Variants in DIP2B observed in about 807,000 individuals in gnomAD.
DIP2B encodes the protein DIP2 acetate--CoA ligase B (putative), also known as disco-interacting protein 2 homolog B.
DIP2B carries 76 observed loss-of-function variants against 198.0 expected under a neutral mutation model. The observed-to-expected ratio is 0.38, with a 90% CI of 0.32 to 0.46. The LOEUF is 0.46. Ranked by LOEUF, DIP2B falls within the 20% of genes least tolerant of loss-of-function variation. DIP2B has a pLI of 0.99. For synonymous variants in DIP2B, 701 were observed against 739.1 expected (o/e 0.95, Z 0.84); for missense variants, 1,559 against 1,978.4 (o/e 0.79, Z 4.02).
chr12:50,725,026 A>G (rs956479554), intron 28 of DIP2B, 140 bp downstream of exon 28: 30 of 783,054 alleles, frequency 3.8e-5, no homozygotes, highest in Non-Finnish European at 5.8e-5. Flanking sequence ...TAGGATCAGT[A>G]AGCTTGTGCA....
intron 1 of DIP2B, among the ~76,000 whole-genome samples, chr12:50,605,314 G>T (rs1958971987): frequency 6.6e-6 from 1 of 152,154 alleles, no homozygotes; most frequent in African/African-American, 2.4e-5. Context: ...AGGTAAGGTG[G>T]CTCATGCCTG....
At chr12:50,563,486 C>CTT (rs71083598) in intron 1 of DIP2B, among the ~76,000 whole-genome samples, 2,322 of 115,462 alleles carry the variant, frequency 0.02, 46 homozygotes, top group East Asian at 0.056. Flanking sequence ...TGCACCTGGC[C>CTT]TTTTTTTTTT....
chr12:50,624,062 G>A (rs1474082097), intron 1 of DIP2B, among the ~76,000 whole-genome samples: 3 of 152,138 alleles, frequency 2.0e-5, no homozygotes, highest in Admixed American at 1.3e-4. Flanking sequence ...TTTTGTGCAC[G>A]TGTGTGAATG....
Position 50,718,792 on chromosome 12 carries a change from A to C in DIP2B, c.2935A>C (p.Ile979Leu). The change falls in exon 24 of 38, where the codon ATA (isoleucine) becomes CTA (leucine). Residue 979 changes from isoleucine (I) to leucine (L), a missense_variant. Physicochemically the swap from Ile to Leu is conservative, Grantham distance 5. Transcript: ENST00000301180. ...AQAAGRDLGQIEENDLVRKHQ... is the reference protein window; with the variant it reads ...AQAAGRDLGQLEENDLVRKHQ... Reference sequence around the variant, plus strand: ...AGCTGCTGGAAGGGATCTGGGACAAATAGAAGAGAATGATTTGGTGAGGAA... The same window carrying C: ...AGCTGCTGGAAGGGATCTGGGACAACTAGAAGAGAATGATTTGGTGAGGAA... The C allele has an allele frequency of 6.2e-7, 1 of 1,614,208 alleles. No homozygotes were observed. Among genetic ancestry groups the C allele is most frequent in the South Asian group, 1.1e-5 (1 of 91,086 alleles).
intron 1 of DIP2B, among the ~76,000 whole-genome samples, chr12:50,573,786 G>A (rs1958635409): frequency 6.6e-6 from 1 of 152,176 alleles, no homozygotes; most frequent in South Asian, 2.1e-4. Flanking sequence ...ATGTCACAGT[G>A]TGATGTATGC....
intron 9 of DIP2B, among the ~76,000 whole-genome samples, chr12:50,682,769 C>T (rs1447704111): frequency 2.0e-5 from 3 of 151,882 alleles, no homozygotes; most frequent in African/African-American, 7.3e-5. Flanking sequence ...TGGAGAGATC[C>T]ATTACATTTA....
chr12:50,659,040 T>C (rs1460410383), intron 3 of DIP2B, among the ~76,000 whole-genome samples: 1 of 152,078 alleles, frequency 6.6e-6, no homozygotes, highest in Non-Finnish European at 1.5e-5. Flanking sequence ...TGAGCTGAGA[T>C]TGCGCCACTG....
At chr12:50,613,701 C>T (rs1054565757) in intron 1 of DIP2B, among the ~76,000 whole-genome samples, 23 of 152,156 alleles carry the variant, frequency 1.5e-4, no homozygotes, top group African/African-American at 5.3e-4. Context: ...ACCCATAAAG[C>T]ACTCACAGAT....
intron 21 of DIP2B, among the ~76,000 whole-genome samples, chr12:50,707,930 G>C (rs1016211519): frequency 6.6e-6 from 1 of 152,022 alleles, no homozygotes; most frequent in African/African-American, 2.4e-5. Context: ...TGGCCTTCTT[G>C]CTGTTCCTCA....
At chr12:50,683,955 T>TA (rs970046989) in intron 10 of DIP2B, among the ~76,000 whole-genome samples, 13 of 151,236 alleles carry the variant, frequency 8.6e-5, no homozygotes, top group African/African-American at 2.2e-4. Flanking sequence ...CTATAAATAG[T>TA]AAAAAAAACT....
intron 10 of DIP2B, among the ~76,000 whole-genome samples, chr12:50,684,476 T>C (rs1939100169): frequency 6.6e-6 from 1 of 152,176 alleles, no homozygotes; most frequent in Non-Finnish European, 1.5e-5. Context: ...CAAAGATGAA[T>C]ATGTTGGAGG....
At chr12:50,547,391 G>A (rs991882994) in intron 1 of DIP2B, among the ~76,000 whole-genome samples, 1 of 152,042 alleles carries the variant, frequency 6.6e-6, no homozygotes, top group Non-Finnish European at 1.5e-5. Context: ...GTGTAACCTG[G>A]CACCCAACAT....
intron 2 of DIP2B, among the ~76,000 whole-genome samples, chr12:50,627,064 A>G (rs898810588): frequency 1.3e-5 from 2 of 152,224 alleles, no homozygotes; most frequent in Non-Finnish European, 2.9e-5. Context: ...ATTGAGAGAA[A>G]AGAGGTGGAA....
intron 22 of DIP2B, among the ~76,000 whole-genome samples, chr12:50,709,231 G>A (rs578114359): frequency 7.9e-5 from 12 of 152,338 alleles, no homozygotes; most frequent in African/African-American, 2.6e-4. Flanking sequence ...TTATAGAGCT[G>A]TTGGAAGGAT....
chr12:50,529,939 T>G (rs905522834), intron 1 of DIP2B, among the ~76,000 whole-genome samples: 3 of 152,214 alleles, frequency 2.0e-5, no homozygotes, highest in African/African-American at 7.2e-5. Context: ...AAATTGAATT[T>G]CACGGGAAAT....
chr12:50,564,211 C>T (rs1958544426), intron 1 of DIP2B, among the ~76,000 whole-genome samples: 1 of 151,878 alleles, frequency 6.6e-6, no homozygotes, highest in South Asian at 2.1e-4. Context: ...GTGTATATAC[C>T]TAGTTCTTTG....
At position 50,614,272 on chromosome 12, in the gene DIP2B, C is replaced by T. The variant is rs144811776; in HGVS notation, c.101-11704C>T. Among the ~76,000 whole-genome samples, 700 of 152,294 alleles carry T rather than the reference C, an allele frequency of 4.6e-3. 5 individuals carry two copies. Among genetic ancestry groups the T allele is most frequent in the African/African-American group, 0.016 (676 of 41,564 alleles). Reference sequence around the variant, plus strand: ...ACAGTGTGCACTCATCTTCTCCTCTCTGCCTCCATTTTCCTCATTCTCTCC... The same window carrying T: ...ACAGTGTGCACTCATCTTCTCCTCTTTGCCTCCATTTTCCTCATTCTCTCC... On this transcript the variant is annotated intron_variant, in intron 1 of 37. Transcript: ENST00000301180.
chr12:50,628,428 A>G (rs1198342175), intron 2 of DIP2B, among the ~76,000 whole-genome samples: 1 of 152,170 alleles, frequency 6.6e-6, no homozygotes, highest in Non-Finnish European at 1.5e-5. Context: ...ACGACAAAAA[A>G]TTGGTCTGCT....
At chr12:50,596,114 A>AT (rs1170576650) in intron 1 of DIP2B, among the ~76,000 whole-genome samples, 2 of 152,246 alleles carry the variant, frequency 1.3e-5, no homozygotes, top group Admixed American at 1.3e-4. Flanking sequence ...TGTAAGAAGA[A>AT]TTCAAGGTCA....
Sources: allele counts gnomAD v4.1 joint callset (sites outside exome capture counted in the v4.1 genomes callset), GRCh38; gene constraint gnomAD v4.1.1; transcripts MANE v1.5; gene names NCBI Gene and HGNC (gene_info 2026-07-23, HGNC 2026-07-21).